CNBD1: variants seen among roughly 807,000 people sequenced by gnomAD.
CNBD1 encodes the protein cyclic nucleotide binding domain containing 1, also known as cyclic nucleotide-binding domain-containing protein 1.
A neutral mutation model predicts 54.4 loss-of-function variants in CNBD1; 71 were observed. That is an observed-to-expected ratio of 1.30 (90% CI 1.08 to 1.59). The LOEUF is 1.59. Ranked by LOEUF, CNBD1 falls within the 40% of genes most tolerant of loss-of-function variation. The pLI, the probability that CNBD1 is intolerant of heterozygous loss-of-function variation, is 0.00. For missense variants in CNBD1, 659 were observed against 518.0 expected, an observed-to-expected ratio of 1.27 and a Z score of -2.64; for synonymous variants, 182 against 170.7, an observed-to-expected ratio of 1.07 and a Z score of -0.51.
At chr8:86,926,503 G>A (rs941998749) in intron 3 of CNBD1, among the ~76,000 whole-genome samples, 16 of 152,200 alleles carry the variant, frequency 1.1e-4, no homozygotes, top group African/African-American at 3.9e-4. Flanking sequence ...ATACCAAGAT[G>A]GCTGTCATGG....
intron 4 of CNBD1, among the ~76,000 whole-genome samples, chr8:86,962,304 C>A (rs1043805020): frequency 6.6e-6 from 1 of 152,114 alleles, no homozygotes; most frequent in Non-Finnish European, 1.5e-5. Flanking sequence ...TTTAAATATA[C>A]CTATAGCTTT....
At chr8:87,008,397 A>C (rs1469113329) in intron 4 of CNBD1, among the ~76,000 whole-genome samples, 3 of 152,198 alleles carry the variant, frequency 2.0e-5, no homozygotes, top group Non-Finnish European at 4.4e-5. Flanking sequence ...TGATTTTCTC[A>C]GATGTTTTAC....
At chr8:86,896,474 A>G (rs917249509) in intron 2 of CNBD1, among the ~76,000 whole-genome samples, 2 of 152,100 alleles carry the variant, frequency 1.3e-5, no homozygotes, top group Non-Finnish European at 2.9e-5. Context: ...GTGTCATCTG[A>G]AATTTCATCA....
chr8:87,333,079 G>T (rs1258013016), intron 8 of CNBD1, among the ~76,000 whole-genome samples: 2 of 152,012 alleles, frequency 1.3e-5, no homozygotes, highest in African/African-American at 2.4e-5. Flanking sequence ...CCTTGAAGAG[G>T]TTCTTCATGT....
At chr8:86,953,459 A>C (rs1239977021) in intron 4 of CNBD1, among the ~76,000 whole-genome samples, 1 of 152,218 alleles carries the variant, frequency 6.6e-6, no homozygotes, top group African/African-American at 2.4e-5. Flanking sequence ...CCTAATTATG[A>C]TTGATAACAC....
intron 4 of CNBD1, among the ~76,000 whole-genome samples, chr8:87,018,875 G>A (rs933570115): frequency 5.9e-5 from 9 of 152,078 alleles, no homozygotes; most frequent in African/African-American, 9.7e-5. Context: ...CAAAAAGGGG[G>A]TACTAAAAAT....
intron 10 of CNBD1, among the ~76,000 whole-genome samples, chr8:87,354,663 T>A (rs887506055): frequency 2.0e-5 from 3 of 152,030 alleles, no homozygotes; most frequent in Non-Finnish European, 4.4e-5. Flanking sequence ...GGTGTTTGGT[T>A]TTTTGTCCTT....
chr8:86,977,590 G>A (rs1808371115), intron 4 of CNBD1, among the ~76,000 whole-genome samples: 1 of 152,040 alleles, frequency 6.6e-6, no homozygotes, highest in Admixed American at 6.6e-5. Flanking sequence ...TTAATTATGA[G>A]ACTAGTATAA....
chr8:87,221,112 A>C (rs1157510514), intron 5 of CNBD1, among the ~76,000 whole-genome samples: 3 of 152,046 alleles, frequency 2.0e-5, no homozygotes, highest in African/African-American at 7.2e-5. Context: ...TCTCTTGGAT[A>C]ATGTATTTGA....
At chr8:86,935,979 C>T (rs1302321505) in intron 3 of CNBD1, among the ~76,000 whole-genome samples, 1 of 151,848 alleles carries the variant, frequency 6.6e-6, no homozygotes, top group Non-Finnish European at 1.5e-5. Flanking sequence ...AAAACCATCT[C>T]TTAAAAAAAA....
At chr8:87,130,341 A>G (rs1311696370) in intron 4 of CNBD1, among the ~76,000 whole-genome samples, 1 of 152,156 alleles carries the variant, frequency 6.6e-6, no homozygotes, top group Admixed American at 6.5e-5. Flanking sequence ...CATCTTGATG[A>G]ATTTTCCATC....
intron 6 of CNBD1, among the ~76,000 whole-genome samples, chr8:87,270,559 T>C (rs1808341850): frequency 6.6e-6 from 1 of 151,964 alleles, no homozygotes; most frequent in South Asian, 2.1e-4. Context: ...GTGTGGTGAT[T>C]CCTCAAAGAG....
chr8:87,364,425 G>A (rs565991308), intron 10 of CNBD1, among the ~76,000 whole-genome samples: 1 of 151,712 alleles, frequency 6.6e-6, no homozygotes, highest in Admixed American at 6.6e-5. Context: ...TCTATCAAGT[G>A]TATTAAACTG....
chr8:86,938,360 C>G (rs548323451), intron 3 of CNBD1, among the ~76,000 whole-genome samples: 6 of 152,276 alleles, frequency 3.9e-5, no homozygotes, highest in African/African-American at 1.4e-4. Context: ...TGCCTGTTAC[C>G]CAGTTCCGAA....
chr8:87,080,485 C>A (rs953982286), intron 4 of CNBD1, among the ~76,000 whole-genome samples: 7 of 151,710 alleles, frequency 4.6e-5, no homozygotes, highest in African/African-American at 1.5e-4. Flanking sequence ...GATAGCGAAT[C>A]ACTTGAACCC....
At chr8:87,423,807 G>T (rs1807990218) in intron 2 of CNBD1, among the ~76,000 whole-genome samples, 1 of 152,052 alleles carries the variant, frequency 6.6e-6, no homozygotes, top group Non-Finnish European at 1.5e-5. Context: ...AGTTAGGGAG[G>T]ATTCCCTCTT....
chr8:86,936,820 C>T (rs7817373), intron 3 of CNBD1, among the ~76,000 whole-genome samples: 83,830 of 151,134 alleles, frequency 0.55, 23,438 homozygotes, highest in South Asian at 0.6. Context: ...TTACAGGAAT[C>T]AGATTTTACC....
intron 5 of CNBD1, among the ~76,000 whole-genome samples, chr8:87,230,455 G>A (rs551096735): frequency 1.9e-4 from 29 of 152,022 alleles, no homozygotes; most frequent in African/African-American, 4.8e-4. Context: ...AAATATGCAC[G>A]TACAGCACAC....
rs539157809 is a variant in CNBD1 at position 87,422,750 on chromosome 8, G to A, written c.214-5796G>A. Reference sequence around the variant, plus strand: ...TCTTTTGGCTTAGGATTGACTTGACGATGCGGGCTCTTTTTTGGTTCCATA... The same window carrying A: ...TCTTTTGGCTTAGGATTGACTTGACAATGCGGGCTCTTTTTTGGTTCCATA... On this transcript the variant is annotated intron_variant, in intron 2 of 7. Transcript: ENST00000521593. 3.3e-3 allele frequency among the ~76,000 whole-genome samples: 496 copies of A among 152,150 alleles called. 2 individuals carry two copies. Among genetic ancestry groups the A allele is most frequent in the African/African-American group, 0.011 (457 of 41,506 alleles).
Sources: gnomAD v4.1 joint callset for allele counts (sites outside exome capture counted in the v4.1 genomes callset) on GRCh38, gnomAD v4.1.1 for gene constraint, MANE v1.5 for transcripts, NCBI Gene and HGNC (gene_info 2026-07-23, HGNC 2026-07-21) for gene names.